The following SLC44A5 variants were observed in gnomAD, a reference collection of about 807,000 sequenced individuals.
The protein encoded by SLC44A5 is choline transporter-like protein 5.
Under a neutral mutation model 101.8 loss-of-function variants are expected in SLC44A5, and 57 were observed. The ratio of observed to expected loss-of-function variants is 0.56; its 90% CI spans 0.45 to 0.70. The LOEUF (loss-of-function observed/expected upper bound fraction) is 0.70. Ranked by LOEUF, SLC44A5 falls within the 30% of genes least tolerant of loss-of-function variation. SLC44A5 has a pLI of 0.00. For missense variants in SLC44A5, 737 were observed against 853.1 expected (o/e 0.86, Z 1.70); for synonymous variants, 281 against 290.9 (o/e 0.97, Z 0.35).
the SLC44A5 span, among the ~76,000 whole-genome samples, chr1:75,638,216 G>A: frequency 1.2e-4 from 18 of 151,938 alleles, no homozygotes; most frequent in Non-Finnish European, 1.9e-4. Context: ...CTAATAGTAC[G>A]ATTAAAGCAA....
intron 1 of SLC44A5, among the ~76,000 whole-genome samples, chr1:75,598,860 AC>A (rs1674805155): frequency 6.6e-6 from 1 of 152,196 alleles, no homozygotes. Context: ...AATAACCTGT[AC>A]AACAAACCCC....
At chr1:75,630,702 C>G in the SLC44A5 span, among the ~76,000 whole-genome samples, 2 of 152,052 alleles carry the variant, frequency 1.3e-5, no homozygotes, top group Non-Finnish European at 2.9e-5. Context: ...TACCTGTTTA[C>G]TCCCAAAGAG....
At chr1:75,693,063 G>A in the SLC44A5 span, among the ~76,000 whole-genome samples, 4 of 152,206 alleles carry the variant, frequency 2.6e-5, no homozygotes, top group Admixed American at 2.0e-4. Context: ...GGGGTAAATA[G>A]AGTAAAGATA....
rs183641410 is a variant in SLC44A5, at chr1:75,415,545, G to T, written c.14-18924C>A. Among the ~76,000 whole-genome samples the T allele has an allele frequency of 7.2e-5, 11 of 152,288 alleles. No homozygotes were observed. In the East Asian group the frequency reaches 1.7e-3, roughly 24 times the overall value. On this transcript the variant is annotated intron_variant, in intron 2 of 23. Transcript: ENST00000370859. ...TAAATTGATATCAGTAGAGTGGGGC[G>T]CTGCTGAAAAGATACCCAAAAATGT...
chr1:75,280,017 C>T (rs1326629005), intron 5 of SLC44A5, among the ~76,000 whole-genome samples: 1 of 146,942 alleles, frequency 6.8e-6, no homozygotes, highest in Non-Finnish European at 1.5e-5. Context: ...TTTTGCATTC[C>T]TGAGTTACTT....
chr1:75,468,640 T>C lies in SLC44A5; in HGVS notation c.14-72019A>G, dbSNP rs530604263. On this transcript the variant is annotated intron_variant, in intron 2 of 23. Transcript: ENST00000370859. ...ATCAAAATAATTGAACTCATGTTGA[T>C]AGAGAGGAGAAGGATGGTTACCACA... Among the ~76,000 whole-genome samples, 6 of 152,168 alleles carry C rather than the reference T, an allele frequency of 3.9e-5. No homozygotes were observed. The South Asian group carries it at 1.0e-3, about 26-fold the overall frequency.
At chr1:75,441,189 A>G (rs2040082) in intron 2 of SLC44A5, among the ~76,000 whole-genome samples, 15,649 of 152,102 alleles carry the variant, frequency 0.1, 972 homozygotes, top group Admixed American at 0.19. Context: ...ATGACTTTCA[A>G]ACCAGTAGAG....
chr1:75,203,901 C>T, intron 23 of SLC44A5, 68 bp from the exon 24 acceptor site: 1 of 1,463,400 alleles, frequency 6.8e-7, no homozygotes, highest in Non-Finnish European at 9.1e-7. Context: ...CCGCCATCTG[C>T]TGTATACTCG....
At chr1:75,460,417 T>A (rs558029179) in intron 2 of SLC44A5, among the ~76,000 whole-genome samples, 2 of 152,284 alleles carry the variant, frequency 1.3e-5, no homozygotes, top group African/African-American at 4.8e-5. Flanking sequence ...ACATCTGCTC[T>A]AAAGATAAAA....
intron 2 of SLC44A5, among the ~76,000 whole-genome samples, chr1:75,525,815 T>C (rs2101905384): frequency 6.6e-6 from 1 of 152,270 alleles, no homozygotes; most frequent in South Asian, 2.1e-4. Flanking sequence ...ATTTTCAAGG[T>C]GTTCGGAAAA....
At chr1:75,535,836 C>A (rs143325467) in intron 2 of SLC44A5, among the ~76,000 whole-genome samples, 2 of 152,068 alleles carry the variant, frequency 1.3e-5, no homozygotes, top group African/African-American at 4.8e-5. Flanking sequence ...ACTCACTCAG[C>A]AGAAACATTT....
the SLC44A5 span, among the ~76,000 whole-genome samples, chr1:75,714,512 T>G: frequency 2.0e-5 from 3 of 151,940 alleles, no homozygotes; most frequent in African/African-American, 7.3e-5. Flanking sequence ...GGGAAAGAAA[T>G]AAAAGGCACC....
chr1:75,324,934 C>G (rs997871596), intron 4 of SLC44A5, among the ~76,000 whole-genome samples: 1 of 152,142 alleles, frequency 6.6e-6, no homozygotes, highest in Non-Finnish European at 1.5e-5. Flanking sequence ...AAAGTGCTCT[C>G]ACTATTTTTT....
chr1:75,498,604 C>T (rs1427012773), intron 2 of SLC44A5, among the ~76,000 whole-genome samples: 1 of 152,036 alleles, frequency 6.6e-6, no homozygotes, highest in Admixed American at 6.6e-5. Flanking sequence ...AAAATATTTT[C>T]TATTTAATAA....
chr1:75,680,141 A>G, the SLC44A5 span, among the ~76,000 whole-genome samples: 1 of 152,226 alleles, frequency 6.6e-6, no homozygotes, highest in Non-Finnish European at 1.5e-5. Context: ...AAAGAGACTT[A>G]GACTCCCACA....
intron 6 of SLC44A5, among the ~76,000 whole-genome samples, chr1:75,273,087 A>C (rs1651623068): frequency 1.3e-5 from 2 of 151,948 alleles, no homozygotes; most frequent in African/African-American, 4.8e-5. Flanking sequence ...CCTTGTAGAG[A>C]TCTTTCACCT....
chr1:75,203,940 G>GTTGT (rs112399722), intron 23 of SLC44A5, 107 bp from the exon 24 acceptor site: 47,653 of 997,960 alleles, frequency 0.048, 14 homozygotes, highest in East Asian at 0.073. Flanking sequence ...TCCTTTTGTT[G>GTTGT]TTTTTTTTTT....
chr1:75,471,947 T>C (rs1667135813), intron 2 of SLC44A5, among the ~76,000 whole-genome samples: 1 of 151,230 alleles, frequency 6.6e-6, no homozygotes, highest in Non-Finnish European at 1.5e-5. Context: ...CCATAATCTG[T>C]TTTGTGGCAA....
chr1:75,306,733 C>CTTTTTTTTTTTTTTTTTT (rs771955227), intron 4 of SLC44A5, among the ~76,000 whole-genome samples: 2 of 102,598 alleles, frequency 1.9e-5, no homozygotes, highest in African/African-American at 4.2e-5. Flanking sequence ...GGTTTCCTTT[C>CTTTTTTTTTTTTTTTTTT]TTTTTTTTTT....
Sources: allele counts gnomAD v4.1 joint callset (sites outside exome capture counted in the v4.1 genomes callset), GRCh38; gene constraint gnomAD v4.1.1; transcripts MANE v1.5; gene names NCBI Gene and HGNC (gene_info 2026-07-23, HGNC 2026-07-21).